CNKSR3: variants seen among roughly 807,000 people sequenced by gnomAD.
CNKSR3 encodes CNKSR family member 3, also known as connector enhancer of kinase suppressor of ras 3.
Under a neutral mutation model 67.7 loss-of-function variants are expected in CNKSR3, and 36 were observed. The observed-to-expected ratio is 0.53, with a 90% confidence interval of 0.41 to 0.70. The LOEUF (loss-of-function observed/expected upper bound fraction) is 0.70, where lower values mean the gene tolerates loss of function less well. CNKSR3 is among the 30% of genes least tolerant of loss of function. CNKSR3 has a pLI of 0.00. For synonymous variants in CNKSR3, 281 were observed against 271.4 expected, an observed-to-expected ratio of 1.04 and a Z score of -0.35; for missense variants, 630 against 695.2, an observed-to-expected ratio of 0.91 and a Z score of 1.05.
intron 2 of CNKSR3, among the ~76,000 whole-genome samples, chr6:154,443,547 G>A (rs528256401): frequency 6.6e-6 from 1 of 152,062 alleles, no homozygotes; most frequent in African/African-American, 2.4e-5. Context: ...TGGGACGTGA[G>A]GGCTGCAGAA....
chr6:154,510,194 G>T lies in CNKSR3; in HGVS notation c.-80C>A. On this transcript the variant is annotated 5_prime_UTR_variant, in exon 1 of 13. Transcript: ENST00000607772. ...CCTGCGCTCCGGTGCCCCTTCCCGG[G>T]AGGGCGCGCCCGCGGCTGCTCCCCT... 1 of 1,560,150 alleles carries T rather than the reference G, an allele frequency of 6.4e-7. No homozygotes were observed. Among genetic ancestry groups the T allele is most frequent in the Non-Finnish European group, 8.8e-7 (1 of 1,134,850 alleles).
Position 154,394,024 on chromosome 6 carries a change from C to CTTTTTTTTTTTTTTTTTTTTT in CNKSR3, c.*12329_*12330insAAAAAAAAAAAAAAAAAAAAA. The CTTTTTTTTTTTTTTTTTTTTT allele has an allele frequency of 6.6e-6, 1 of 152,104 alleles. No individual in the cohort carries two copies. The highest frequency in any genetic ancestry group is 2.4e-5 in the African/African-American group (1 of 41,410). The allele number at this position is 152,104 out of a possible 1,614,324, so 9.4% of individuals were successfully genotyped here. A position where few individuals can be genotyped will look rare whatever the true frequency, so the allele number is the denominator to read the frequency against. On this transcript the variant is annotated 3_prime_UTR_variant, in exon 13 of 13. Transcript: ENST00000607772. Reference sequence around the variant, plus strand: ...GTTGCAGTGGCTGTGATTGTCATTTCTTTTCTTTTGTGAGATGAGGGTTTT... The same window carrying CTTTTTTTTTTTTTTTTTTTTT: ...GTTGCAGTGGCTGTGATTGTCATTTCTTTTTTTTTTTTTTTTTTTTTTTTTCTTTTGTGAGATGAGGGTTTT...
rs760238896 is a variant in CNKSR3 at position 154,430,457 on chromosome 6, G to A, written c.669+15C>T. 1 of 1,588,578 alleles carries A rather than the reference G, an allele frequency of 6.3e-7. No individual in the cohort carries two copies. Among genetic ancestry groups the A allele is most frequent in the Non-Finnish European group, 8.5e-7 (1 of 1,172,134 alleles). On this transcript the variant is annotated intron_variant, in intron 6 of 12. Coordinates refer to ENST00000607772, the MANE Select transcript of CNKSR3 (RefSeq NM_173515.4). ...TATGTTATCTGAAAATAAAACAAGT[G>A]TTATTAGAACTTACCAGGCCTTCCC...
Position 154,415,116 on chromosome 6 carries a change from A to C in CNKSR3, c.946-693T>G, listed in dbSNP as rs201029631. 8.1e-3 allele frequency among the ~76,000 whole-genome samples: 1,174 copies of C among 144,508 alleles called. 10 individuals are homozygous for C. The highest frequency in any genetic ancestry group is 0.012 in the Admixed American group (173 of 14,536). 94.8% of individuals were successfully genotyped at this position (144,508 alleles called of 152,430 possible). Reference sequence around the variant, plus strand: ...CTGTCTCAAAAAAAAAAAAAAAAAAAAAAAAACAAGAAAGAAAAGAAAAGA... The same window carrying C: ...CTGTCTCAAAAAAAAAAAAAAAAAACAAAAAACAAGAAAGAAAAGAAAAGA... On this transcript the variant is annotated intron_variant, in intron 9 of 12. Transcript: ENST00000607772.
chr6:154,456,494 T>C (rs563606375), intron 1 of CNKSR3, among the ~76,000 whole-genome samples: 2 of 149,430 alleles, frequency 1.3e-5, no homozygotes, highest in Admixed American at 6.7e-5. Context: ...GGTCAGGAGT[T>C]CGAGACGAGC....
At chr6:154,431,398 G>A (rs1256241981) in intron 5 of CNKSR3, among the ~76,000 whole-genome samples, 4 of 138,536 alleles carry the variant, frequency 2.9e-5, no homozygotes, top group South Asian at 4.5e-4. Context: ...AAGCCGAGTC[G>A]CACCACTGCA....
chr6:154,482,287 T>C (rs766493726), intron 1 of CNKSR3, among the ~76,000 whole-genome samples: 2 of 152,100 alleles, frequency 1.3e-5, no homozygotes, highest in African/African-American at 4.8e-5. Flanking sequence ...GGTGCCACAG[T>C]AATAAACTTT....
At chr6:154,460,716 A>G (rs1346915962) in intron 1 of CNKSR3, among the ~76,000 whole-genome samples, 1 of 152,180 alleles carries the variant, frequency 6.6e-6, no homozygotes, top group African/African-American at 2.4e-5. Flanking sequence ...AAAACCGTAA[A>G]TTCGATTTGG....
intron 1 of CNKSR3, among the ~76,000 whole-genome samples, chr6:154,455,740 C>T (rs1302225607): frequency 6.6e-6 from 1 of 152,120 alleles, no homozygotes; most frequent in African/African-American, 2.4e-5. Context: ...TTTTCTTATA[C>T]AAATAAGCAA....
chr6:154,451,909 CA>C (rs1785841710), intron 1 of CNKSR3, among the ~76,000 whole-genome samples: 1 of 152,132 alleles, frequency 6.6e-6, no homozygotes, highest in Non-Finnish European at 1.5e-5. Flanking sequence ...GATATAAACC[CA>C]GCTCCGCTCT....
chr6:154,507,586 G>A (rs912705702), intron 1 of CNKSR3, among the ~76,000 whole-genome samples: 1 of 152,192 alleles, frequency 6.6e-6, no homozygotes, highest in African/African-American at 2.4e-5. Context: ...AATGGGTCAC[G>A]CAACTTGGAA....
chr6:154,408,265 C>A (rs571968727), intron 12 of CNKSR3, among the ~76,000 whole-genome samples: 1 of 152,134 alleles, frequency 6.6e-6, no homozygotes, highest in Admixed American at 6.5e-5. Flanking sequence ...CCTCGTGATC[C>A]GCCTGCCTTG....
chr6:154,490,937 T>TC (rs960498585), intron 1 of CNKSR3, among the ~76,000 whole-genome samples: 8 of 151,964 alleles, frequency 5.3e-5, no homozygotes, highest in Non-Finnish European at 1.0e-4. Flanking sequence ...ACCCTCTGCC[T>TC]CCCGGGTTCA....
intron 5 of CNKSR3, among the ~76,000 whole-genome samples, chr6:154,432,945 A>G (rs1437236171): frequency 1.3e-5 from 2 of 152,248 alleles, no homozygotes; most frequent in African/African-American, 4.8e-5. Context: ...TATGGAAAAT[A>G]TATTTATAGC....
At chr6:154,495,309 G>C (rs1786855339) in intron 1 of CNKSR3, among the ~76,000 whole-genome samples, 1 of 150,338 alleles carries the variant, frequency 6.7e-6, no homozygotes, top group Non-Finnish European at 1.5e-5. Context: ...TCTGTAAATT[G>C]TGCTCACTCT....
At chr6:154,482,057 C>T (rs1786578012) in intron 1 of CNKSR3, among the ~76,000 whole-genome samples, 4 of 152,182 alleles carry the variant, frequency 2.6e-5, no homozygotes, top group Admixed American at 6.5e-5. Context: ...TCCTACTTCT[C>T]GGCACTAAAA....
chr6:154,508,425 C>G (rs1366077577), intron 1 of CNKSR3, among the ~76,000 whole-genome samples: 1 of 152,138 alleles, frequency 6.6e-6, no homozygotes, highest in East Asian at 1.9e-4. Context: ...ACAAGTGGTA[C>G]TGGTTACTAA....
chr6:154,420,749 T>C (rs542517825), intron 9 of CNKSR3, among the ~76,000 whole-genome samples: 7 of 150,354 alleles, frequency 4.7e-5, no homozygotes, highest in Non-Finnish European at 8.9e-5. Context: ...GCTAAGTTGC[T>C]ATAACACTTG....
In CNKSR3 at chr6:154,391,286, T is replaced by C. The variant is rs1291610175; in HGVS notation, c.*15068A>G. ...TCTCACTCTGTCACCCAGGCTGGAG[T>C]GCAGTGGCACAATCTCGGCTCACTG... On this transcript the variant is annotated 3_prime_UTR_variant, in exon 13 of 13. Transcript: ENST00000607772. The C allele has an allele frequency of 6.6e-6, 1 of 152,236 alleles. No individual in the cohort carries two copies. Among genetic ancestry groups the C allele is most frequent in the Non-Finnish European group, 1.5e-5 (1 of 68,156 alleles). 9.4% of individuals were successfully genotyped at this position (152,236 alleles called of 1,614,324 possible).
Sources: gnomAD v4.1 joint callset for allele counts (sites outside exome capture counted in the v4.1 genomes callset) on GRCh38, gnomAD v4.1.1 for gene constraint, MANE v1.5 for transcripts, NCBI Gene and HGNC (gene_info 2026-07-23, HGNC 2026-07-21) for gene names.